The following STAMBP variants were observed in gnomAD, a reference collection of about 807,000 sequenced individuals.
STAMBP encodes STAM-binding protein.
In STAMBP, 31 loss-of-function variants were observed where a neutral mutation model predicts 50.7. That is an observed-to-expected ratio of 0.61 (90% CI 0.46 to 0.83). STAMBP has a LOEUF of 0.83. STAMBP is among the 40% of genes least tolerant of loss of function. The pLI is 0.00. For missense variants in STAMBP, 472 were observed against 518.9 expected (o/e 0.91, Z 0.88); for synonymous variants, 211 against 192.4 (o/e 1.10, Z -0.80).
Position 73,854,222 on chromosome 2 carries a change from G to A in STAMBP, c.1005+3709G>A, listed in dbSNP as rs533381341. ...CAGAGAGATTTTTGAAATGATGTCT[G>A]GAGGAGTTGAGGAAACACGTTTTAG... On this transcript the variant is annotated intron_variant, in intron 7 of 9. Coordinates refer to ENST00000394070, the MANE Select transcript of STAMBP (RefSeq NM_213622.4). Among the ~76,000 whole-genome samples the A allele has an allele frequency of 3.9e-5, 6 of 152,324 alleles. No individual in the cohort carries two copies. The South Asian group carries it at 1.2e-3, about 32-fold the overall frequency.
chr2:73,829,794 G>A (rs1673677888), intron 1 of STAMBP, among the ~76,000 whole-genome samples: 2 of 152,324 alleles, frequency 1.3e-5, no homozygotes, highest in East Asian at 1.9e-4. Context: ...TGAGGGAAGA[G>A]TTGTAGTAGA....
chr2:73,869,395 G>A (rs1679105108), downstream of STAMBP, among the ~76,000 whole-genome samples: 1 of 152,056 alleles, frequency 6.6e-6, no homozygotes, highest in Non-Finnish European at 1.5e-5. Context: ...GGAAAGACAG[G>A]CACACTATCG....
At chr2:73,861,280 G>A (rs1678289967) in intron 9 of STAMBP, among the ~76,000 whole-genome samples, 1 of 152,136 alleles carries the variant, frequency 6.6e-6, no homozygotes, top group Admixed American at 6.5e-5. Flanking sequence ...ATATATTTTA[G>A]GGATGACACT....
chr2:73,859,748 T>G (rs1458415201), intron 8 of STAMBP, among the ~76,000 whole-genome samples: 1 of 150,156 alleles, frequency 6.7e-6, no homozygotes, highest in African/African-American at 2.5e-5. Context: ...TAAGAAAGTT[T>G]CAAAATCAAA....
In STAMBP at chr2:73,850,865, A is replaced by G. The variant is rs1676724784; in HGVS notation, c.1005+352A>G. ...ACTGTGTACAGATGATGTTCCTTAAAGGTATATAATTCAAAATATTTTAAA... is the reference window on the plus strand; with the variant it reads ...ACTGTGTACAGATGATGTTCCTTAAGGGTATATAATTCAAAATATTTTAAA... On this transcript the variant is annotated intron_variant, in intron 7 of 9. Transcript: ENST00000394070. This position sits in a 1 kb window ranked among gnomAD's most constrained non-coding sequence, Gnocchi z 4.3. Among the ~76,000 whole-genome samples the G allele has an allele frequency of 6.6e-6, 1 of 152,204 alleles. No homozygotes were observed. The highest frequency in any genetic ancestry group is 2.4e-5 in the African/African-American group (1 of 41,444).
chr2:73,855,570 G>A, intron 7 of STAMBP: 2 of 455,946 alleles, frequency 4.4e-6, no homozygotes, highest in South Asian at 1.5e-5. Context: ...GGAAGGTGGT[G>A]TTGGCACAGG....
intron 7 of STAMBP, 22 bp from the exon 8 acceptor site, chr2:73,859,232 C>T: frequency 6.3e-7 from 1 of 1,587,500 alleles, no homozygotes; most frequent in Non-Finnish European, 8.7e-7. Flanking sequence ...TAAGAGTCCT[C>T]TGACTCTTTT....
chr2:73,859,691 A>T (rs983244791), intron 8 of STAMBP, among the ~76,000 whole-genome samples: 2 of 140,278 alleles, frequency 1.4e-5, no homozygotes, highest in East Asian at 4.0e-4. Flanking sequence ...ATAAAAAAAT[A>T]AAAAATAAAA....
intron 5 of STAMBP, 38 bp downstream of exon 5, chr2:73,847,791 G>C (rs1216749881): frequency 6.3e-7 from 1 of 1,586,312 alleles, no homozygotes; most frequent in Non-Finnish European, 8.6e-7. Context: ...CTTCTCAGTT[G>C]CAGCCAAACA....
At chr2:73,858,356 C>G (rs1311946676) in intron 7 of STAMBP, among the ~76,000 whole-genome samples, 1 of 151,940 alleles carries the variant, frequency 6.6e-6, no homozygotes, top group African/African-American at 2.4e-5. Context: ...CCAGGCTGGT[C>G]TCAAACTCCT....
chr2:73,838,458 A>C (rs1674992806), intron 2 of STAMBP, among the ~76,000 whole-genome samples: 1 of 152,154 alleles, frequency 6.6e-6, no homozygotes, highest in South Asian at 2.1e-4. Flanking sequence ...GAGCGTGTGA[A>C]CATGTGTATG....
At chr2:73,843,406 G>GTATGTATATATATA (rs1553380270) in intron 2 of STAMBP, among the ~76,000 whole-genome samples, 1 of 129,962 alleles carries the variant, frequency 7.7e-6, no homozygotes, top group African/African-American at 3.3e-5. Context: ...GTTTGTGTAT[G>GTATGTATATATATA]TATATATATA....
chr2:73,867,690 T>C, downstream of STAMBP, among the ~76,000 whole-genome samples: 1 of 152,170 alleles, frequency 6.6e-6, no homozygotes, highest in Non-Finnish European at 1.5e-5. Context: ...CTACAAATTA[T>C]ACAGAGAAGG....
intron 2 of STAMBP, among the ~76,000 whole-genome samples, chr2:73,843,825 A>G (rs993046121): frequency 2.6e-5 from 4 of 152,260 alleles, no homozygotes; most frequent in Non-Finnish European, 5.9e-5. Context: ...TATCCCAATT[A>G]CAATATAATA....
chr2:73,856,737 G>C (rs1677592951), intron 7 of STAMBP, among the ~76,000 whole-genome samples: 1 of 152,196 alleles, frequency 6.6e-6, no homozygotes, highest in South Asian at 2.1e-4. Context: ...GAACAGGAGA[G>C]CTAGAGCAGG....
chr2:73,847,612 G>T lies in STAMBP; in HGVS notation c.601G>T (p.Glu201Ter). The change falls in exon 5 of 10, where the codon GAG (glutamate) becomes TAG (stop). Residue 201 changes from glutamate (E) to a stop codon, truncating the protein, a stop_gained. Coordinates refer to ENST00000394070, the MANE Select transcript of STAMBP (RefSeq NM_213622.4). LOFTEE classifies it high-confidence loss of function. ...AGGTGGCCCGCTAGTGCCTGACTTG[G>T]AGAAGCCCTCCTTAGATGTGTTCCC... ...GLGGPLVPDL[E>*]KPSLDVFPTL... 1.9e-6 allele frequency: 3 copies of T among 1,614,196 alleles called. No individual in the cohort carries two copies. Among genetic ancestry groups the T allele is most frequent in the Non-Finnish European group, 2.5e-6 (3 of 1,180,032 alleles).
intron 2 of STAMBP, among the ~76,000 whole-genome samples, chr2:73,836,251 A>T (rs961511769): frequency 6.6e-6 from 1 of 152,216 alleles, no homozygotes; most frequent in African/African-American, 2.4e-5. Flanking sequence ...GTGAGCAGCC[A>T]AGGGCTGGCC....
At chr2:73,848,149 A>G (rs1676372321) in intron 5 of STAMBP, among the ~76,000 whole-genome samples, 1 of 151,824 alleles carries the variant, frequency 6.6e-6, no homozygotes, top group Admixed American at 6.6e-5. Flanking sequence ...AAAGCAGAAC[A>G]TCTTTCCCCT....
chr2:73,868,479 T>C (rs1679057782), downstream of STAMBP, among the ~76,000 whole-genome samples: 1 of 151,850 alleles, frequency 6.6e-6, no homozygotes. Flanking sequence ...TGATATAATA[T>C]ATCACAGGAG....
Sources: gnomAD v4.1 joint callset for allele counts (sites outside exome capture counted in the v4.1 genomes callset) on GRCh38, gnomAD v4.1.1 for gene constraint, Gnocchi (gnomAD v3.1) non-coding constraint, MANE v1.5 for transcripts, NCBI Gene and HGNC (gene_info 2026-07-23, HGNC 2026-07-21) for gene names.